Variants in PTPRF observed in about 807,000 individuals in gnomAD.
The protein encoded by PTPRF is receptor-type tyrosine-protein phosphatase F.
Under a neutral mutation model 201.8 loss-of-function variants are expected in PTPRF, and 59 were observed. The observed-to-expected ratio is 0.29, with a 90% CI of 0.24 to 0.36. The LOEUF (loss-of-function observed/expected upper bound fraction) is 0.36, where lower values mean the gene tolerates loss of function less well. PTPRF is among the 10% of genes least tolerant of loss of function. The pLI is 1.00. For missense variants in PTPRF, 2,132 were observed against 2,690.5 expected, an observed-to-expected ratio of 0.79 and a Z score of 4.59; for synonymous variants, 1,088 against 1,089.7, an observed-to-expected ratio of 1.00 and a Z score of 0.03.
chr1:43,570,774 T>C (rs890585455), intron 6 of PTPRF, among the ~76,000 whole-genome samples: 1 of 152,258 alleles, frequency 6.6e-6, no homozygotes, highest in Non-Finnish European at 1.5e-5. Flanking sequence ...CACGGCCGCC[T>C]GAGACAGCCC....
At chr1:43,544,946 A>C in intron 2 of PTPRF, 85 bp from the exon 3 acceptor site, 1 of 778,270 alleles carries the variant, frequency 1.3e-6, no homozygotes. Flanking sequence ...AGTGAGGATG[A>C]CTGGGGGTCA....
chr1:43,565,307 G>A (rs1377407165), intron 5 of PTPRF, among the ~76,000 whole-genome samples: 2 of 152,158 alleles, frequency 1.3e-5, no homozygotes, highest in African/African-American at 4.8e-5. Flanking sequence ...GCTTGTCATC[G>A]TCTTCTGCCC....
At position 43,601,938 on chromosome 1, in the gene PTPRF, C is replaced by T. The variant is rs1653849888; in HGVS notation, c.2314-133C>T. On this transcript the variant is annotated intron_variant, in intron 13 of 33. Transcript: ENST00000359947. ...AACCGGGAGTTGTTCTGGGGTGCTACCCCCATGGGTACTTTGAGGCCCAAA... is the reference window on the plus strand; with the variant it reads ...AACCGGGAGTTGTTCTGGGGTGCTATCCCCATGGGTACTTTGAGGCCCAAA... The T allele has an allele frequency of 8.2e-6, 8 of 973,096 alleles. No homozygotes were observed. In the South Asian group the frequency reaches 1.1e-4, roughly 14 times the overall value. 60.3% of individuals were successfully genotyped at this position (973,096 alleles called of 1,614,324 possible). A position where few individuals can be genotyped will look rare whatever the true frequency, so the allele number is the denominator to read the frequency against.
In PTPRF at chr1:43,588,526, TC is replaced by T. The variant is rs1308315708; in HGVS notation, c.680-202del. Among the ~76,000 whole-genome samples the T allele has an allele frequency of 1.3e-5, 2 of 152,104 alleles. No individual in the cohort carries two copies. Among genetic ancestry groups the T allele is most frequent in the Non-Finnish European group, 2.9e-5 (2 of 68,012 alleles). On this transcript the variant is annotated intron_variant, in intron 7 of 33. Transcript: ENST00000359947. This position sits in a 1 kb window ranked among gnomAD's most constrained non-coding sequence, Gnocchi z 5.3. ...GAGTAAGTCATCGTGCTCCAGACAG[TC>T]CCTGAGTGTGGGGGCCACTTCTAGG...
At chr1:43,550,389 T>G (rs992344323) in intron 3 of PTPRF, among the ~76,000 whole-genome samples, 10 of 150,432 alleles carry the variant, frequency 6.6e-5, no homozygotes, top group African/African-American at 2.4e-4. Context: ...GCCCGGCCAT[T>G]CCGGTTCAGC....
Position 43,536,409 on chromosome 1 carries a change from T to A in PTPRF, c.-125-1789T>A, listed in dbSNP as rs75230639. On this transcript the variant is annotated intron_variant, in intron 1 of 33. Transcript: ENST00000359947. ...ATGTTTAGTCTTCTAAAATGGCCCCTGGCCACTTTGGGTACACACCTCTTT... is the reference window on the plus strand; with the variant it reads ...ATGTTTAGTCTTCTAAAATGGCCCCAGGCCACTTTGGGTACACACCTCTTT... 6.9e-3 allele frequency among the ~76,000 whole-genome samples: 1,058 copies of A among 152,326 alleles called. 13 individuals carry two copies. The highest frequency in any genetic ancestry group is 0.024 in the African/African-American group (992 of 41,560).
intron 6 of PTPRF, among the ~76,000 whole-genome samples, chr1:43,575,507 T>G (rs1043258247): frequency 3.3e-5 from 5 of 152,120 alleles, no homozygotes; most frequent in Non-Finnish European, 5.9e-5. Context: ...TTTTGGTAAG[T>G]GCTTTGTTTT....
intron 25 of PTPRF, 77 bp from the exon 26 acceptor site, chr1:43,618,553 T>G: frequency 1.3e-6 from 2 of 1,514,050 alleles, no homozygotes; most frequent in Non-Finnish European, 1.8e-6. Flanking sequence ...AGCCAGGGAG[T>G]TGACCAGCCT....
intron 7 of PTPRF, among the ~76,000 whole-genome samples, chr1:43,581,182 G>T (rs543323278): frequency 9.2e-5 from 14 of 152,338 alleles, no homozygotes; most frequent in Middle Eastern, 3.4e-3. Flanking sequence ...CTCAGGCAGG[G>T]CCCTGACTGG....
chr1:43,534,273 C>T (rs1042069189), intron 1 of PTPRF, among the ~76,000 whole-genome samples: 1 of 152,164 alleles, frequency 6.6e-6, no homozygotes, highest in Non-Finnish European at 1.5e-5. Context: ...AGAGAGAAAA[C>T]ACCAAAGGTT....
At position 43,605,551 on chromosome 1, in the gene PTPRF, C is replaced by G. The variant is rs1654882470; in HGVS notation, c.3412C>G (p.Pro1138Ala). The G allele has an allele frequency of 6.2e-7, 1 of 1,614,080 alleles. No homozygotes were observed. The highest frequency in any genetic ancestry group is 8.5e-7 in the Non-Finnish European group (1 of 1,179,958). ...LVRWFYIVVV[P>A]IDRVGGSMLT... ...CAGGTGGTTCTACATTGTTGTGGTG[C>G]CCATTGACCGTGTGGGCGGGAGCAT... The change falls in exon 19 of 34, where the codon CCC becomes GCC. Residue 1138 changes from proline (P) to alanine (A), a missense_variant. Physicochemically the swap from Pro to Ala is conservative, Grantham distance 27. Transcript: ENST00000359947.
intron 2 of PTPRF, among the ~76,000 whole-genome samples, chr1:43,539,065 A>G (rs1644202981): frequency 6.6e-6 from 1 of 152,202 alleles, no homozygotes; most frequent in Non-Finnish European, 1.5e-5. Context: ...CTGTGAAATA[A>G]AGTGGCAAAC....
intron 23 of PTPRF, among the ~76,000 whole-genome samples, chr1:43,616,067 T>G (rs1451985446): frequency 2.6e-5 from 4 of 151,962 alleles, no homozygotes; most frequent in African/African-American, 9.7e-5. Flanking sequence ...AAAGGTGGGC[T>G]GACAGCACCA....
chr1:43,566,151 C>G (rs1335896160), intron 5 of PTPRF, among the ~76,000 whole-genome samples: 1 of 152,130 alleles, frequency 6.6e-6, no homozygotes, highest in Non-Finnish European at 1.5e-5. Context: ...GTGGGGGAGG[C>G]TGCCGGCCCT....
intron 22 of PTPRF, chr1:43,612,765 C>A: frequency 1.5e-6 from 2 of 1,365,594 alleles, no homozygotes; most frequent in Non-Finnish European, 2.0e-6. Context: ...TTTTTCTCTG[C>A]AGGTTCCAGT....
intron 3 of PTPRF, among the ~76,000 whole-genome samples, chr1:43,548,873 G>T (rs543151807): frequency 1.8e-4 from 27 of 152,322 alleles, no homozygotes; most frequent in African/African-American, 6.3e-4. Context: ...GCACAAAATA[G>T]CAGTCAGTCT....
chr1:43,585,349 C>G (rs760810252), intron 7 of PTPRF, among the ~76,000 whole-genome samples: 1 of 152,172 alleles, frequency 6.6e-6, no homozygotes, highest in Non-Finnish European at 1.5e-5. Context: ...TGTCCCTTGC[C>G]TGTTTCCCCC....
chr1:43,597,149 A>G (rs894830104), intron 11 of PTPRF, among the ~76,000 whole-genome samples: 12 of 140,014 alleles, frequency 8.6e-5, no homozygotes, highest in African/African-American at 3.2e-4. Context: ...ATATGACACT[A>G]TGTATACGTG....
intron 1 of PTPRF, 74 bp downstream of exon 1, chr1:43,531,164 A>T (rs1643435132): frequency 9.0e-6 from 1 of 111,642 alleles, no homozygotes; most frequent in African/African-American, 3.5e-5. Context: ...CCTCCCCGCT[A>T]GTCCACCCGG....
Sources: gnomAD v4.1 joint callset for allele counts (sites outside exome capture counted in the v4.1 genomes callset) on GRCh38, gnomAD v4.1.1 for gene constraint, Gnocchi (gnomAD v3.1) non-coding constraint, MANE v1.5 for transcripts, NCBI Gene and HGNC (gene_info 2026-07-23, HGNC 2026-07-21) for gene names.